The following FAM117B variants were observed in gnomAD, a reference collection of about 807,000 sequenced individuals.
The protein encoded by FAM117B is family with sequence similarity 117 member B, also known as protein FAM117B.
In FAM117B, 22 loss-of-function variants were observed where a neutral mutation model predicts 52.8. The observed-to-expected ratio is 0.42, with a 90% CI of 0.30 to 0.59. FAM117B has a LOEUF of 0.59. Ranked by LOEUF, FAM117B falls within the 20% of genes least tolerant of loss-of-function variation. FAM117B has a pLI of 0.22. For synonymous variants in FAM117B, 309 were observed against 324.1 expected (o/e 0.95, Z 0.50); for missense variants, 678 against 802.6 (o/e 0.84, Z 1.88).
intron 1 of FAM117B, among the ~76,000 whole-genome samples, chr2:202,636,460 CAG>C (rs755080227): frequency 2.6e-5 from 4 of 152,188 alleles, no homozygotes; most frequent in African/African-American, 7.2e-5. Flanking sequence ...TGTAGAAAAA[CAG>C]AATCCAGTGT....
At chr2:202,734,407 A>G (rs953087296) in intron 4 of FAM117B, among the ~76,000 whole-genome samples, 8 of 152,214 alleles carry the variant, frequency 5.3e-5, no homozygotes, top group Admixed American at 2.6e-4. Context: ...AAATGAGTGA[A>G]TTGTATGGTA....
At chr2:202,748,743 C>A (rs1691676570) in intron 4 of FAM117B, among the ~76,000 whole-genome samples, 2 of 152,078 alleles carry the variant, frequency 1.3e-5, no homozygotes, top group South Asian at 4.1e-4. Context: ...CAGGGAAATG[C>A]AAATCAAATC....
intron 1 of FAM117B, among the ~76,000 whole-genome samples, chr2:202,667,383 G>A (rs2105763917): frequency 6.6e-6 from 1 of 152,272 alleles, no homozygotes; most frequent in East Asian, 1.9e-4. Context: ...TTATTAGCAT[G>A]AGCCACCACG....
rs74912422 is a variant in FAM117B at position 202,758,194 on chromosome 2, G to A, written c.1330+756G>A. ...GTTGAATGTCCTAAAATGCCCTGCT[G>A]TTAGGACTGGCTGCTACTACTACTC... On this transcript the variant is annotated intron_variant, in intron 6 of 7. Transcript: ENST00000392238. Among the ~76,000 whole-genome samples, 33 of 152,292 alleles carry A rather than the reference G, an allele frequency of 2.2e-4. No homozygotes were observed. In the East Asian group the frequency reaches 3.9e-3, roughly 18 times the overall value.
At chr2:202,746,862 T>C (rs756827612) in intron 4 of FAM117B, among the ~76,000 whole-genome samples, 4 of 151,974 alleles carry the variant, frequency 2.6e-5, no homozygotes, top group Middle Eastern at 3.4e-3. Flanking sequence ...CAAACAATTA[T>C]AGAGGAAGGA....
chr2:202,693,557 C>T (rs1219146000), intron 1 of FAM117B, among the ~76,000 whole-genome samples: 1 of 152,214 alleles, frequency 6.6e-6, no homozygotes, highest in African/African-American at 2.4e-5. Context: ...GATCGCCACA[C>T]TGCACTCTAG....
chr2:202,672,514 C>T (rs760040819), intron 1 of FAM117B, among the ~76,000 whole-genome samples: 1 of 152,234 alleles, frequency 6.6e-6, no homozygotes, highest in South Asian at 2.1e-4. Context: ...GCACCTGGCA[C>T]TATTTTCTTT....
At chr2:202,663,092 A>G (rs1690154371) in intron 1 of FAM117B, among the ~76,000 whole-genome samples, 3 of 152,256 alleles carry the variant, frequency 2.0e-5, no homozygotes, top group Admixed American at 2.0e-4. Context: ...TCCACTTAAA[A>G]TATTGGCAAC....
rs928889442 is a variant in FAM117B at position 202,746,108 on chromosome 2, C to T, written c.961-9430C>T. Among the ~76,000 whole-genome samples, 18 of 152,240 alleles carry T rather than the reference C, an allele frequency of 1.2e-4. No individual in the cohort carries two copies. In the East Asian group the frequency reaches 3.1e-3, roughly 26 times the overall value. On this transcript the variant is annotated intron_variant, in intron 4 of 7. Coordinates refer to ENST00000392238, the MANE Select transcript of FAM117B (RefSeq NM_173511.4). ...CTGTAGGTCAAATTGAACTAATAGA[C>T]ATTTACAGAATTTTTCATCCAATAG... is the stretch of plus-strand genomic sequence containing the variant.
chr2:202,735,078 T>C (rs1691419562), intron 4 of FAM117B, among the ~76,000 whole-genome samples: 1 of 152,214 alleles, frequency 6.6e-6, no homozygotes, highest in Non-Finnish European at 1.5e-5. Context: ...CCTTTTTGTA[T>C]TTAACATGGA....
intron 1 of FAM117B, among the ~76,000 whole-genome samples, chr2:202,653,395 G>A (rs775806632): frequency 6.6e-6 from 1 of 152,150 alleles, no homozygotes. Context: ...TAAGAGACAG[G>A]GTCTCGCTAT....
intron 5 of FAM117B, 43 bp from the exon 6 acceptor site, chr2:202,757,170 A>G (rs1691812004): frequency 1.3e-6 from 2 of 1,573,566 alleles, no homozygotes; most frequent in Non-Finnish European, 1.7e-6. Flanking sequence ...GGTGATTCGA[A>G]ATTAATTATA....
intron 1 of FAM117B, among the ~76,000 whole-genome samples, chr2:202,640,067 C>G (rs1334731148): frequency 6.6e-6 from 1 of 151,520 alleles, no homozygotes; most frequent in South Asian, 2.1e-4. Flanking sequence ...GTCAGGAGTT[C>G]GAGACCAGCC....
At chr2:202,699,798 C>G (rs1005728865) in intron 2 of FAM117B, among the ~76,000 whole-genome samples, 10 of 152,082 alleles carry the variant, frequency 6.6e-5, no homozygotes, top group Non-Finnish European at 1.2e-4. Flanking sequence ...TGTTTTTTTA[C>G]AAATTGAAGG....
chr2:202,652,173 G>C (rs1293015069), intron 1 of FAM117B, among the ~76,000 whole-genome samples: 2 of 151,616 alleles, frequency 1.3e-5, no homozygotes, highest in Non-Finnish European at 2.9e-5. Context: ...ATCTTGGTTC[G>C]CTGCAGCCTC....
intron 1 of FAM117B, among the ~76,000 whole-genome samples, chr2:202,692,991 C>T (rs890726584): frequency 1.3e-5 from 2 of 152,066 alleles, no homozygotes; most frequent in African/African-American, 2.4e-5. Flanking sequence ...AAAAAATGTA[C>T]AAGCCAGTTT....
chr2:202,637,857 G>A (rs1215186909), intron 1 of FAM117B, among the ~76,000 whole-genome samples: 1 of 148,422 alleles, frequency 6.7e-6, no homozygotes, highest in Non-Finnish European at 1.5e-5. Context: ...AAAATTACAT[G>A]TACTTAGTTA....
intron 3 of FAM117B, 77 bp from the exon 4 acceptor site, chr2:202,726,173 G>C (rs532358298): frequency 1.5e-4 from 142 of 932,018 alleles, no homozygotes; most frequent in Middle Eastern, 8.8e-4. Flanking sequence ...AAGTTTTACT[G>C]GTTCTTATTA....
At chr2:202,744,899 C>A (rs971226568) in intron 4 of FAM117B, among the ~76,000 whole-genome samples, 10 of 147,348 alleles carry the variant, frequency 6.8e-5, no homozygotes, top group African/African-American at 2.5e-4. Flanking sequence ...ATCACTTGAA[C>A]CCGGGAGGCA....
Sources: allele counts gnomAD v4.1 joint callset (sites outside exome capture counted in the v4.1 genomes callset), GRCh38; gene constraint gnomAD v4.1.1; transcripts MANE v1.5; gene names NCBI Gene and HGNC (gene_info 2026-07-23, HGNC 2026-07-21).